The following RAB12 variants were observed in gnomAD, a reference collection of about 807,000 sequenced individuals.
RAB12 encodes RAB12, member RAS oncogene family, also known as ras-related protein Rab-12.
RAB12 carries 11 observed loss-of-function variants against 28.4 expected under a neutral mutation model. The ratio of observed to expected loss-of-function variants is 0.39; its 90% CI spans 0.24 to 0.64. The LOEUF is 0.64. Ranked by LOEUF, RAB12 falls within the 30% of genes least tolerant of loss-of-function variation. The pLI is 0.50. For synonymous variants in RAB12, 138 were observed against 145.3 expected, an observed-to-expected ratio of 0.95 and a Z score of 0.36; for missense variants, 276 against 351.1, an observed-to-expected ratio of 0.79 and a Z score of 1.71.
intron 5 of RAB12, among the ~76,000 whole-genome samples, chr18:8,637,503 A>T (rs1308111140): frequency 1.3e-5 from 2 of 152,216 alleles, no homozygotes; most frequent in Non-Finnish European, 2.9e-5. Flanking sequence ...TGTCTTGAAC[A>T]TGGCTTTTTT....
intron 1 of RAB12, among the ~76,000 whole-genome samples, chr18:8,617,862 A>T (rs2096007544): frequency 1.3e-5 from 2 of 152,228 alleles, no homozygotes; most frequent in Admixed American, 1.3e-4. Context: ...CATCTATAAA[A>T]TATAGACAGT....
At chr18:8,633,404 A>G (rs538294988) in intron 3 of RAB12, 77 bp downstream of exon 3, 4 of 1,513,848 alleles carry the variant, frequency 2.6e-6, no homozygotes, top group African/African-American at 1.4e-5. Flanking sequence ...AGGAGGGGAA[A>G]CACATGTATT....
intron 1 of RAB12, among the ~76,000 whole-genome samples, chr18:8,612,553 C>T (rs1405883381): frequency 2.0e-5 from 3 of 152,250 alleles, no homozygotes; most frequent in Non-Finnish European, 2.9e-5. Flanking sequence ...GTGAGCCTCA[C>T]AGCATGGCCC....
chr18:8,614,561 A>G (rs1166802270), intron 1 of RAB12, among the ~76,000 whole-genome samples: 3 of 151,354 alleles, frequency 2.0e-5, no homozygotes, highest in African/African-American at 4.8e-5. Context: ...ATAAGATACC[A>G]CAGTTTAAAA....
chr18:8,632,358 TGTGGCTGACAGTA>T lies in RAB12; in HGVS notation c.576-823_576-811del, dbSNP rs894102762. Among the ~76,000 whole-genome samples the T allele has an allele frequency of 8.4e-4, 127 of 152,028 alleles. 1 individual carries two copies. The highest frequency in any genetic ancestry group is 3.0e-3 in the African/African-American group (124 of 41,462). ...AGTGTAACTTGTTCAGAAAAGCTAC[TGTGGCTGACAGTA>T]GTGGCTGTGCACGGATGTCAGTGCA... On this transcript the variant is annotated intron_variant, in intron 2 of 5. Transcript: ENST00000649141.
chr18:8,624,554 A>G (rs980030280), intron 1 of RAB12, among the ~76,000 whole-genome samples: 1 of 152,242 alleles, frequency 6.6e-6, no homozygotes, highest in Non-Finnish European at 1.5e-5. Flanking sequence ...TTAAGTTTCC[A>G]GTGTTCCATA....
In RAB12 at chr18:8,609,476, T is replaced by A. The variant is rs1373593709; in HGVS notation, c.37T>A (p.Ser13Thr). The change falls in exon 1 of 6, where the codon TCC (serine) becomes ACC (threonine). Residue 13 changes from serine to threonine, a missense_variant. Ser to Thr is a moderately conservative substitution (Grantham distance 58, BLOSUM62 1). This residue lies in a region of RAB12 where 72 missense variants were observed against 55.5 expected (regional missense o/e 1.30). Transcript: ENST00000649141. ...GCTACTGCGGAGTAGCTGCTTCCCT[T>A]CCTCCTCTCCCGGCGGCGGCGGCGG... ...LPLLRSSCFPSSSPGGGGGSG... is the reference protein window; with the variant it reads ...LPLLRSSCFPTSSPGGGGGSG... The A allele has an allele frequency of 6.6e-6, 1 of 150,734 alleles. No homozygotes were observed. Among genetic ancestry groups the A allele is most frequent in the African/African-American group, 2.4e-5 (1 of 41,152 alleles). The allele number at this position is 150,734 out of a possible 1,614,324, so 9.3% of individuals were successfully genotyped here. A position where few individuals can be genotyped will look rare whatever the true frequency, so the allele number is the denominator to read the frequency against.
chr18:8,612,671 A>T (rs1386129744), intron 1 of RAB12, among the ~76,000 whole-genome samples: 2 of 151,854 alleles, frequency 1.3e-5, no homozygotes, highest in African/African-American at 2.4e-5. Context: ...TTTTATTTTT[A>T]TTTATTTATT....
chr18:8,638,140 A>G lies in RAB12; in HGVS notation c.910-9A>G, dbSNP rs752050253. 20 of 1,586,998 alleles carry G rather than the reference A, an allele frequency of 1.3e-5. 1 individual carries two copies. In the South Asian group the frequency reaches 1.7e-4, roughly 13 times the overall value. ...AAAACGGATTTTTTTTTGTTTGTTTATACGTTAGATGCCTCTGGATATTTT... is the reference window on the plus strand; with the variant it reads ...AAAACGGATTTTTTTTTGTTTGTTTGTACGTTAGATGCCTCTGGATATTTT... On this transcript the variant is annotated splice_polypyrimidine_tract_variant and intron_variant, in intron 5 of 5. Coordinates refer to ENST00000649141, the MANE Select transcript of RAB12 (RefSeq NM_001025300.3).
At chr18:8,636,202 G>T (rs751460911) in intron 4 of RAB12, 51 bp from the exon 5 acceptor site, 3 of 1,243,894 alleles carry the variant, frequency 2.4e-6, no homozygotes, top group South Asian at 1.2e-5. Context: ...ATGCTCGCAC[G>T]CTGGTCTGTG....
intron 1 of RAB12, among the ~76,000 whole-genome samples, chr18:8,617,574 T>G (rs150308606): frequency 6.6e-6 from 1 of 152,302 alleles, no homozygotes; most frequent in African/African-American, 2.4e-5. Flanking sequence ...GAAGGCCTCC[T>G]GGTGCAGGGA....
At chr18:8,636,437 T>C (rs1180247356) in intron 5 of RAB12, 80 bp downstream of exon 5, 1 of 955,782 alleles carries the variant, frequency 1.0e-6, no homozygotes, top group African/African-American at 1.7e-5. Flanking sequence ...TTGAGAATTT[T>C]GTATTTAGAA....
At chr18:8,625,223 T>C (rs1423950759) in intron 2 of RAB12, among the ~76,000 whole-genome samples, 1 of 152,276 alleles carries the variant, frequency 6.6e-6, no homozygotes, top group Non-Finnish European at 1.5e-5. Context: ...CAGAAGAATG[T>C]TACTTTAATG....
chr18:8,617,474 C>G (rs1050534291), intron 1 of RAB12, among the ~76,000 whole-genome samples: 1 of 150,124 alleles, frequency 6.7e-6, no homozygotes, highest in African/African-American at 2.4e-5. Flanking sequence ...TTAATCTCTT[C>G]CCTTTAAATA....
chr18:8,637,855 AT>A (rs1289853109), intron 5 of RAB12, among the ~76,000 whole-genome samples: 3 of 152,194 alleles, frequency 2.0e-5, no homozygotes, highest in Non-Finnish European at 4.4e-5. Context: ...AAGAGAAAAT[AT>A]ATTTACTATT....
At chr18:8,610,036 G>A in intron 1 of RAB12, 83 bp downstream of exon 1, 1 of 1,059,412 alleles carries the variant, frequency 9.4e-7, no homozygotes, top group Non-Finnish European at 1.4e-6. Flanking sequence ...GAGTCTCATC[G>A]AGCCTGGGAG....
rs2096020427 is a variant in RAB12, at chr18:8,638,753, G to A, written c.*491G>A. 1 of 153,604 alleles carries A rather than the reference G, an allele frequency of 6.5e-6. No homozygotes were observed. The highest frequency in any genetic ancestry group is 6.5e-5 in the Admixed American group (1 of 15,392). 9.5% of individuals were successfully genotyped at this position (153,604 alleles called of 1,614,324 possible). A position where few individuals can be genotyped will look rare whatever the true frequency, so the allele number is the denominator to read the frequency against. ...CAGTGGTAGCATCTGAAGTATTGGA[G>A]TGTTTCTGCCACGAAGCAAAGCTCC... On this transcript the variant is annotated 3_prime_UTR_variant, in exon 6 of 6. Transcript: ENST00000649141.
At chr18:8,620,139 C>CTTTTTTTTTTTTT (rs71165795) in intron 1 of RAB12, among the ~76,000 whole-genome samples, 27 of 53,946 alleles carry the variant, frequency 5.0e-4, no homozygotes, top group South Asian at 1.1e-3. Flanking sequence ...TTTTCTTCTT[C>CTTTTTTTTTTTTT]TTTTTTTTTT....
chr18:8,621,021 ACTGTCC>A (rs1281936146), intron 1 of RAB12, among the ~76,000 whole-genome samples: 1 of 152,212 alleles, frequency 6.6e-6, no homozygotes, highest in Non-Finnish European at 1.5e-5. Flanking sequence ...AAAGGCAGGG[ACTGTCC>A]CCATCAACAG....
Sources: gnomAD v4.1 joint callset for allele counts (sites outside exome capture counted in the v4.1 genomes callset) on GRCh38, gnomAD v4.1.1 for gene constraint, gnomAD v4.1.1 regional missense constraint, MANE v1.5 for transcripts, NCBI Gene and HGNC (gene_info 2026-07-23, HGNC 2026-07-21) for gene names.